The following MYO1D variants were observed in gnomAD, a reference collection of about 807,000 sequenced individuals.
MYO1D encodes the protein unconventional myosin-Id.
A neutral mutation model predicts 122.0 loss-of-function variants in MYO1D; 83 were observed. The observed-to-expected ratio is 0.68, with a 90% CI of 0.57 to 0.82. The LOEUF (loss-of-function observed/expected upper bound fraction) is 0.82, where lower values mean the gene tolerates loss of function less well. MYO1D is among the 40% of genes least tolerant of loss of function. The pLI is 0.00. For missense variants in MYO1D, 1,157 were observed against 1,269.5 expected (o/e 0.91, Z 1.35); for synonymous variants, 464 against 446.9 (o/e 1.04, Z -0.48).
chr17:32,711,813 T>G (rs1487517342), intron 16 of MYO1D, among the ~76,000 whole-genome samples, 175 bp downstream of exon 16: 3 of 152,158 alleles, frequency 2.0e-5, no homozygotes, highest in Non-Finnish European at 4.4e-5. Context: ...AATTTTGAAC[T>G]GGGGCAACCA....
At position 32,616,967 on chromosome 17, in the gene MYO1D, C is replaced by T. The variant is rs113732823; in HGVS notation, c.2710-11726G>A. On this transcript the variant is annotated intron_variant, in intron 20 of 21. Coordinates refer to ENST00000318217, the MANE Select transcript of MYO1D (RefSeq NM_015194.3). ...TGTAATCCCAGCATATTGGGTGGAT[C>T]ACCTGAGGCCAGGTGTTCAAGACCA... Among the ~76,000 whole-genome samples the T allele has an allele frequency of 7.2e-3, 1,098 of 152,242 alleles. 8 individuals are homozygous for T. Among genetic ancestry groups the T allele is most frequent in the Non-Finnish European group, 9.1e-3 (620 of 68,014 alleles).
intron 21 of MYO1D, among the ~76,000 whole-genome samples, chr17:32,576,388 T>C (rs953240853): frequency 1.3e-5 from 2 of 152,202 alleles, no homozygotes; most frequent in Non-Finnish European, 2.9e-5. Flanking sequence ...CTGAGGACAA[T>C]TGTGACTATC....
intron 10 of MYO1D, among the ~76,000 whole-genome samples, chr17:32,756,476 G>A (rs567809024): frequency 6.6e-6 from 1 of 151,660 alleles, no homozygotes. Context: ...TCAACATTAT[G>A]TGTACAGGAT....
At chr17:32,706,940 C>T (rs2089316641) in intron 16 of MYO1D, among the ~76,000 whole-genome samples, 1 of 152,082 alleles carries the variant, frequency 6.6e-6, no homozygotes, top group Admixed American at 6.5e-5. Flanking sequence ...TTGTGATCCA[C>T]CCGCCTCGGC....
chr17:32,622,901 C>A (rs1009353995), intron 20 of MYO1D, among the ~76,000 whole-genome samples: 1 of 152,194 alleles, frequency 6.6e-6, no homozygotes, highest in Admixed American at 6.5e-5. Context: ...CAACAACCAC[C>A]CATCTGCTTC....
At chr17:32,777,608 C>T (rs748490947) in intron 3 of MYO1D, among the ~76,000 whole-genome samples, 3 of 152,142 alleles carry the variant, frequency 2.0e-5, no homozygotes, top group Admixed American at 6.5e-5. Context: ...TACTCATCTT[C>T]CCATGAGCAA....
At chr17:32,835,445 A>C (rs569405646) in intron 1 of MYO1D, among the ~76,000 whole-genome samples, 1 of 152,204 alleles carries the variant, frequency 6.6e-6, no homozygotes, top group East Asian at 1.9e-4. Context: ...ATTTTCGGAT[A>C]CTCTATGCTT....
At chr17:32,653,242 C>G (rs1218505723) in intron 19 of MYO1D, among the ~76,000 whole-genome samples, 1 of 151,378 alleles carries the variant, frequency 6.6e-6, no homozygotes, top group East Asian at 1.9e-4. Flanking sequence ...GATACACATG[C>G]AGTGAAATAC....
rs148202063 is a variant in MYO1D at position 32,723,179 on chromosome 17, C to A, written c.1747-1990G>T. The stretch of plus-strand genomic sequence containing the variant: ...TTGGACCCGAGTTCTGTGAATCATT[C>A]TAGTGAATTATCAAACCTGAAGAGG... On this transcript the variant is annotated intron_variant, in intron 14 of 21. Coordinates refer to ENST00000318217, the MANE Select transcript of MYO1D (RefSeq NM_015194.3). 5.7e-4 allele frequency among the ~76,000 whole-genome samples: 87 copies of A among 152,216 alleles called. No homozygotes were observed. In the East Asian group the frequency reaches 8.9e-3, roughly 16 times the overall value.
At chr17:32,833,482 TTTATTCTTAAA>T (rs1486146543) in intron 1 of MYO1D, among the ~76,000 whole-genome samples, 1 of 152,202 alleles carries the variant, frequency 6.6e-6, no homozygotes, top group Non-Finnish European at 1.5e-5. Flanking sequence ...TCCCCTTCAA[TTTATTCTTAAA>T]ACAGCAGCCG....
chr17:32,551,223 T>C (rs538588457), intron 21 of MYO1D, among the ~76,000 whole-genome samples: 13 of 152,200 alleles, frequency 8.5e-5, no homozygotes, highest in African/African-American at 2.7e-4. Flanking sequence ...TGAACATAAA[T>C]GTAATTAAGA....
intron 13 of MYO1D, 103 bp from the exon 14 acceptor site, chr17:32,738,488 C>T: frequency 8.2e-7 from 1 of 1,223,228 alleles, no homozygotes; most frequent in Non-Finnish European, 1.1e-6. Flanking sequence ...CATAATTGGA[C>T]TACAGATTCA....
intron 14 of MYO1D, among the ~76,000 whole-genome samples, chr17:32,735,115 C>T (rs1177454655): frequency 6.6e-6 from 1 of 151,248 alleles, no homozygotes; most frequent in Non-Finnish European, 1.5e-5. Flanking sequence ...CACACACACA[C>T]ACACACACGA....
At chr17:32,560,471 A>C (rs1295845206) in intron 21 of MYO1D, among the ~76,000 whole-genome samples, 1 of 145,670 alleles carries the variant, frequency 6.9e-6, no homozygotes, top group Admixed American at 6.9e-5. Flanking sequence ...TTACTGCAAG[A>C]AAGAAATGTA....
Position 32,755,834 on chromosome 17 carries a change from A to T in MYO1D, c.1297-172T>A, listed in dbSNP as rs899757862. 1.6e-5 allele frequency: 8 copies of T among 515,182 alleles called. No homozygotes were observed. In the African/African-American group the frequency reaches 1.6e-4, roughly 10 times the overall value. 31.9% of individuals were successfully genotyped at this position (515,182 alleles called of 1,614,324 possible). ...AGAGTACACATTCTAACAGAGGTTT[A>T]TTTTTAAATTTCTTTGTTAACTTTC... On this transcript the variant is annotated intron_variant, in intron 10 of 21. Transcript: ENST00000318217.
chr17:32,618,780 G>C (rs575515307), intron 20 of MYO1D, among the ~76,000 whole-genome samples: 1 of 151,804 alleles, frequency 6.6e-6, no homozygotes, highest in African/African-American at 2.4e-5. Context: ...GATTACAGGC[G>C]ACTGCCACCA....
At chr17:32,807,968 C>T (rs1235161645) in intron 1 of MYO1D, among the ~76,000 whole-genome samples, 1 of 152,156 alleles carries the variant, frequency 6.6e-6, no homozygotes. Context: ...TACTGATGTA[C>T]TTTTAGGTTG....
Position 32,765,006 on chromosome 17 carries a change from A to T in MYO1D, c.907T>A (p.Leu303Met), listed in dbSNP as rs779088567. ...ACCATATCTGTCTTAGTAGAGAGCAATTCTGCTATGATAGATACTACTTTG... is the reference window on the plus strand; with the variant it reads ...ACCATATCTGTCTTAGTAGAGAGCATTTCTGCTATGATAGATACTACTTTG... ...NGKVVSIIAE[L>M]LSTKTDMVEK... The change falls in exon 8 of 22, where the codon TTG (leucine) becomes ATG (methionine). Residue 303 changes from leucine to methionine, a missense_variant. Physicochemically the swap from Leu to Met is conservative, Grantham distance 15. Coordinates refer to ENST00000318217, the MANE Select transcript of MYO1D (RefSeq NM_015194.3). 1 of 1,614,074 alleles carries T rather than the reference A, an allele frequency of 6.2e-7. No homozygotes were observed. The highest frequency in any genetic ancestry group is 1.1e-5 in the South Asian group (1 of 91,080).
At chr17:32,777,958 T>C (rs1363280441) in intron 3 of MYO1D, among the ~76,000 whole-genome samples, 2 of 151,910 alleles carry the variant, frequency 1.3e-5, no homozygotes, top group Non-Finnish European at 2.9e-5. Flanking sequence ...AGAAAATGAA[T>C]CTTGTTCAGA....
Sources: gnomAD v4.1 joint callset for allele counts (sites outside exome capture counted in the v4.1 genomes callset) on GRCh38, gnomAD v4.1.1 for gene constraint, MANE v1.5 for transcripts, NCBI Gene and HGNC (gene_info 2026-07-23, HGNC 2026-07-21) for gene names.